PDE3B: variants seen among roughly 807,000 people sequenced by gnomAD.
The protein encoded by PDE3B is cGMP-inhibited 3',5'-cyclic phosphodiesterase 3B.
In PDE3B, 66 loss-of-function variants were observed where a neutral mutation model predicts 116.8. The observed-to-expected ratio is 0.56, with a 90% CI of 0.46 to 0.69. The LOEUF (loss-of-function observed/expected upper bound fraction) is 0.69. Among genes scored for constraint, PDE3B ranks in the 30% least tolerant of loss-of-function variants. PDE3B has a pLI of 0.00. For synonymous variants in PDE3B, 595 were observed against 533.6 expected (o/e 1.12, Z -1.59); for missense variants, 1,384 against 1,368.1 (o/e 1.01, Z -0.18).
chr11:14,819,921 C>T (rs1004862401), intron 7 of PDE3B, among the ~76,000 whole-genome samples: 2 of 152,020 alleles, frequency 1.3e-5, no homozygotes, highest in African/African-American at 2.4e-5. Context: ...ATTTTATTAG[C>T]AGCTTCATGG....
At chr11:14,731,142 C>G (rs1435182087) in intron 1 of PDE3B, among the ~76,000 whole-genome samples, 2 of 151,632 alleles carry the variant, frequency 1.3e-5, no homozygotes, top group African/African-American at 2.4e-5. Flanking sequence ...GTCTCAGTTC[C>G]TTGTGTTTTA....
At chr11:14,715,965 G>A (rs1855871333) in intron 1 of PDE3B, among the ~76,000 whole-genome samples, 1 of 152,214 alleles carries the variant, frequency 6.6e-6, no homozygotes, top group Non-Finnish European at 1.5e-5. Flanking sequence ...CCCAGCGTGA[G>A]CGACGCAGAA....
chr11:14,804,085 G>T (rs767957827), intron 5 of PDE3B, 35 bp downstream of exon 5: 7 of 1,116,216 alleles, frequency 6.3e-6, no homozygotes, highest in Admixed American at 1.7e-5. Flanking sequence ...AAATATGGGG[G>T]TTCTCAAAGT....
chr11:14,791,216 C>T (rs1280605034), intron 4 of PDE3B, among the ~76,000 whole-genome samples: 1 of 152,094 alleles, frequency 6.6e-6, no homozygotes, highest in Non-Finnish European at 1.5e-5. Flanking sequence ...AGACTTATGA[C>T]TCTGAAATCA....
At chr11:14,668,694 G>A (rs1326115866) in intron 1 of PDE3B, among the ~76,000 whole-genome samples, 2 of 152,134 alleles carry the variant, frequency 1.3e-5, no homozygotes, top group African/African-American at 4.8e-5. Flanking sequence ...TTTTTCTGCA[G>A]CACAATCCTG....
At chr11:14,698,637 G>A (rs1237146083) in intron 1 of PDE3B, among the ~76,000 whole-genome samples, 1 of 151,942 alleles carries the variant, frequency 6.6e-6, no homozygotes, top group Non-Finnish European at 1.5e-5. Flanking sequence ...GCCTCACACA[G>A]TGCTTAGGAA....
chr11:14,863,133 G>T (rs1847981103), intron 14 of PDE3B, among the ~76,000 whole-genome samples: 1 of 152,136 alleles, frequency 6.6e-6, no homozygotes, highest in South Asian at 2.1e-4. Context: ...AGAACATGCG[G>T]TATTTGGTTT....
At chr11:14,662,013 TCCCTGAC>T (rs756107973) in intron 1 of PDE3B, among the ~76,000 whole-genome samples, 40 of 152,166 alleles carry the variant, frequency 2.6e-4, no homozygotes, top group Non-Finnish European at 4.3e-4. Flanking sequence ...CTCAAGTGGG[TCCCTGAC>T]CCCTGACCCC....
At chr11:14,891,992 C>A in the PDE3B span, 5 of 1,613,296 alleles carry the variant, frequency 3.1e-6, no homozygotes, top group Non-Finnish European at 3.4e-6. Context: ...TCTCCGTACA[C>A]CTGGCTCTGC....
chr11:14,763,778 A>T (rs1462038031), intron 1 of PDE3B, among the ~76,000 whole-genome samples: 1 of 152,118 alleles, frequency 6.6e-6, no homozygotes, highest in Non-Finnish European at 1.5e-5. Flanking sequence ...GTCTAGGTAG[A>T]TACTTTCCAT....
chr11:14,898,616 G>A, the PDE3B span, among the ~76,000 whole-genome samples: 2 of 152,156 alleles, frequency 1.3e-5, no homozygotes, highest in African/African-American at 4.8e-5. Context: ...GAGGTCCTGA[G>A]AGGACAAATG....
chr11:14,809,874 A>T (rs1354452721), intron 5 of PDE3B, among the ~76,000 whole-genome samples: 1 of 146,636 alleles, frequency 6.8e-6, no homozygotes, highest in Non-Finnish European at 1.5e-5. Context: ...ATTGTTTACA[A>T]ATTGCCCAGA....
In PDE3B at chr11:14,687,720, GT is replaced by G. The variant is rs920434695; in HGVS notation, c.978+42671del. ...AGTCTTGGGGTTTGCCACTGTTTTT[GT>G]TTTAGTTGCCTATCAGATCTTTTGT... On this transcript the variant is annotated intron_variant, in intron 1 of 15. Coordinates refer to ENST00000282096, the MANE Select transcript of PDE3B (RefSeq NM_000922.4). Among the ~76,000 whole-genome samples the G allele has an allele frequency of 3.7e-4, 56 of 152,216 alleles. 1 individual carries two copies. The highest frequency in any genetic ancestry group is 1.2e-3 in the African/African-American group (51 of 41,538).
chr11:14,867,333 G>C (rs1359148948), intron 14 of PDE3B, among the ~76,000 whole-genome samples, 173 bp from the exon 15 acceptor site: 1 of 152,046 alleles, frequency 6.6e-6, no homozygotes, highest in African/African-American at 2.4e-5. Context: ...GTTTTGTTTA[G>C]GATTTCTCAA....
the PDE3B span, among the ~76,000 whole-genome samples, chr11:14,895,544 CTT>C: frequency 6.6e-6 from 1 of 152,050 alleles, no homozygotes; most frequent in African/African-American, 2.4e-5. Context: ...CAAATGAAGA[CTT>C]TGATTACAAA....
chr11:14,726,857 T>G (rs1370773924), intron 1 of PDE3B, among the ~76,000 whole-genome samples: 1 of 152,172 alleles, frequency 6.6e-6, no homozygotes, highest in Non-Finnish European at 1.5e-5. Context: ...TGAAGTAGAC[T>G]CCTTTGAGAA....
chr11:14,851,761 A>G (rs1385417942), intron 12 of PDE3B, among the ~76,000 whole-genome samples: 2 of 152,162 alleles, frequency 1.3e-5, no homozygotes, highest in African/African-American at 2.4e-5. Context: ...CTAGCACATC[A>G]TAATCTTTGA....
chr11:14,897,999 C>T, the PDE3B span, among the ~76,000 whole-genome samples: 9 of 152,258 alleles, frequency 5.9e-5, no homozygotes, highest in East Asian at 1.9e-4. Flanking sequence ...TTACTCTTTT[C>T]CTGAACCTTA....
chr11:14,802,187 A>AG (rs1396090990), intron 4 of PDE3B, among the ~76,000 whole-genome samples: 1 of 152,132 alleles, frequency 6.6e-6, no homozygotes, highest in African/African-American at 2.4e-5. Context: ...TATGGAAAAA[A>AG]CAATACAACA....
Sources: allele counts gnomAD v4.1 joint callset (sites outside exome capture counted in the v4.1 genomes callset), GRCh38; gene constraint gnomAD v4.1.1; transcripts MANE v1.5; gene names NCBI Gene and HGNC (gene_info 2026-07-23, HGNC 2026-07-21).